The following PDE1A variants were observed in gnomAD, a reference collection of about 807,000 sequenced individuals.
PDE1A encodes the protein dual specificity calcium/calmodulin-dependent 3',5'-cyclic nucleotide phosphodiesterase 1A.
A neutral mutation model predicts 61.7 loss-of-function variants in PDE1A; 35 were observed. The observed-to-expected ratio is 0.57, with a 90% CI of 0.43 to 0.75. PDE1A has a LOEUF of 0.75. PDE1A is among the 30% of genes least tolerant of loss of function. The pLI is 0.00. For missense variants in PDE1A, 597 were observed against 630.6 expected, an observed-to-expected ratio of 0.95 and a Z score of 0.57; for synonymous variants, 232 against 213.2, an observed-to-expected ratio of 1.09 and a Z score of -0.77.
the PDE1A span, among the ~76,000 whole-genome samples, chr2:182,674,198 C>T: frequency 2.7e-4 from 41 of 152,070 alleles, no homozygotes; most frequent in African/African-American, 9.2e-4. Flanking sequence ...TACTAAAACA[C>T]TGTGCTACAC....
the PDE1A span, among the ~76,000 whole-genome samples, chr2:182,606,239 C>T: frequency 1.3e-5 from 2 of 152,266 alleles, no homozygotes; most frequent in Non-Finnish European, 2.9e-5. Context: ...AATGCAATGG[C>T]GCAATCTCAG....
At chr2:182,399,985 A>G (rs1451761991) in intron 1 of PDE1A, among the ~76,000 whole-genome samples, 1 of 152,052 alleles carries the variant, frequency 6.6e-6, no homozygotes, top group South Asian at 2.1e-4. Flanking sequence ...AATAAATATT[A>G]TAAGGTTATT....
chr2:182,263,595 A>G (rs1219550992), intron 2 of PDE1A, among the ~76,000 whole-genome samples: 1 of 152,184 alleles, frequency 6.6e-6, no homozygotes, highest in African/African-American at 2.4e-5. Flanking sequence ...ATTCACAGGT[A>G]GCCCTGATTA....
intron 7 of PDE1A, among the ~76,000 whole-genome samples, chr2:182,218,285 G>C (rs1462404518): frequency 8.8e-6 from 1 of 113,952 alleles, no homozygotes; most frequent in South Asian, 3.9e-4. Context: ...CGGGGGAGGG[G>C]GGAGGGATAG....
At chr2:182,504,972 C>A (rs1438861250) in intron 2 of PDE1A, among the ~76,000 whole-genome samples, 2 of 152,222 alleles carry the variant, frequency 1.3e-5, no homozygotes, top group African/African-American at 4.8e-5. Flanking sequence ...CAGTAGCAAA[C>A]AACATGTTGT....
At chr2:182,486,087 A>G (rs572778901) in intron 2 of PDE1A, among the ~76,000 whole-genome samples, 99 of 152,144 alleles carry the variant, frequency 6.5e-4, no homozygotes, top group African/African-American at 2.3e-3. Flanking sequence ...CAGACTAGAT[A>G]CTATTAAATG....
At chr2:182,539,380 T>C in the PDE1A span, among the ~76,000 whole-genome samples, 4 of 152,272 alleles carry the variant, frequency 2.6e-5, no homozygotes, top group African/African-American at 9.6e-5. Context: ...CTTGCATTAT[T>C]AGTTTTATTT....
chr2:182,205,801 C>G (rs1303968664), intron 8 of PDE1A, 139 bp downstream of exon 8: 2 of 702,108 alleles, frequency 2.8e-6, no homozygotes, highest in Non-Finnish European at 4.6e-6. Context: ...ACTAATCCTT[C>G]TCAGAGTCAT....
At chr2:182,531,875 G>T in the PDE1A span, among the ~76,000 whole-genome samples, 1 of 151,980 alleles carries the variant, frequency 6.6e-6, no homozygotes, top group Admixed American at 6.6e-5. Context: ...TACAGGCCCC[G>T]GTGTGTAATG....
the PDE1A span, among the ~76,000 whole-genome samples, chr2:182,536,318 C>T: frequency 6.6e-6 from 1 of 152,160 alleles, no homozygotes; most frequent in Non-Finnish European, 1.5e-5. Flanking sequence ...ATTCTATCCT[C>T]TTATTGTGTT....
rs1698789716 is a variant in PDE1A, at chr2:182,350,226, T to C, written c.53+76352A>G. ...TTCAGCATTATCTTTGGGAGATTAA[T>C]GTATCTTGTTGTTTGTGGATGTACT... is the stretch of plus-strand genomic sequence containing the variant. On this transcript the variant is annotated intron_variant, in intron 1 of 13. Transcript: ENST00000351439. Among the ~76,000 whole-genome samples, 3 of 152,220 alleles carry C rather than the reference T, an allele frequency of 2.0e-5. No individual in the cohort carries two copies. The East Asian group carries it at 5.8e-4, about 29-fold the overall frequency.
intron 1 of PDE1A, among the ~76,000 whole-genome samples, chr2:182,294,681 T>G (rs1212413364): frequency 1.3e-5 from 2 of 152,212 alleles, no homozygotes; most frequent in Admixed American, 6.5e-5. Context: ...GTGGTAAGTT[T>G]ATAGAGTATC....
intron 2 of PDE1A, among the ~76,000 whole-genome samples, chr2:182,472,174 A>G (rs1413062510): frequency 6.6e-6 from 1 of 151,938 alleles, no homozygotes; most frequent in Non-Finnish European, 1.5e-5. Flanking sequence ...TAAAGAAGGA[A>G]TGACCATATG....
At chr2:182,347,925 T>C (rs1170464679) in intron 1 of PDE1A, among the ~76,000 whole-genome samples, 2 of 152,084 alleles carry the variant, frequency 1.3e-5, no homozygotes, top group Non-Finnish European at 2.9e-5. Context: ...AAAAATAGAA[T>C]GGTAGTACAG....
At chr2:182,308,727 A>G (rs1695764110) in intron 1 of PDE1A, among the ~76,000 whole-genome samples, 1 of 152,114 alleles carries the variant, frequency 6.6e-6, no homozygotes, top group African/African-American at 2.4e-5. Flanking sequence ...AATGTGAGTT[A>G]TAAAGTATGA....
chr2:182,644,586 T>G, the PDE1A span, among the ~76,000 whole-genome samples: 1 of 152,124 alleles, frequency 6.6e-6, no homozygotes, highest in African/African-American at 2.4e-5. Context: ...ACTAGAAGAT[T>G]GAGCTTCTGA....
chr2:182,631,039 AT>A, the PDE1A span, among the ~76,000 whole-genome samples: 1 of 152,128 alleles, frequency 6.6e-6, no homozygotes, highest in African/African-American at 2.4e-5. Flanking sequence ...AGAAAGAAAT[AT>A]TTATTATAAG....
At chr2:182,446,639 T>A (rs1308707307) in intron 2 of PDE1A, among the ~76,000 whole-genome samples, 1 of 152,116 alleles carries the variant, frequency 6.6e-6, no homozygotes, top group Admixed American at 6.6e-5. Context: ...ATTAACAAAC[T>A]TGCTAATATT....
intron 2 of PDE1A, among the ~76,000 whole-genome samples, chr2:182,433,252 A>G (rs1704045209): frequency 1.3e-5 from 2 of 152,094 alleles, no homozygotes; most frequent in South Asian, 4.1e-4. Flanking sequence ...ACTAAATCAC[A>G]GCAAAATTCA....
Sources: gnomAD v4.1 joint callset for allele counts (sites outside exome capture counted in the v4.1 genomes callset) on GRCh38, gnomAD v4.1.1 for gene constraint, MANE v1.5 for transcripts, NCBI Gene and HGNC (gene_info 2026-07-23, HGNC 2026-07-21) for gene names.